MFSD6: variants seen among roughly 807,000 people sequenced by gnomAD.
MFSD6 encodes the protein major facilitator superfamily domain-containing protein 6.
Under a neutral mutation model 56.3 loss-of-function variants are expected in MFSD6, and 26 were observed. The observed-to-expected ratio is 0.46, with a 90% CI of 0.34 to 0.64. The LOEUF is 0.64. MFSD6 is among the 30% of genes least tolerant of loss of function. MFSD6 has a pLI of 0.01. For missense variants in MFSD6, 750 were observed against 986.2 expected, an observed-to-expected ratio of 0.76 and a Z score of 3.21; for synonymous variants, 331 against 366.9, an observed-to-expected ratio of 0.90 and a Z score of 1.12.
intron 2 of MFSD6, among the ~76,000 whole-genome samples, chr2:190,422,875 C>G (rs1184756551): frequency 6.6e-6 from 1 of 151,524 alleles, no homozygotes; most frequent in Non-Finnish European, 1.5e-5. Context: ...CATTTTTTCT[C>G]TCCTACTTTC....
At chr2:190,478,176 C>A (rs891056719) in intron 4 of MFSD6, among the ~76,000 whole-genome samples, 1 of 152,198 alleles carries the variant, frequency 6.6e-6, no homozygotes, top group Non-Finnish European at 1.5e-5. Flanking sequence ...GGCTACGATA[C>A]ATACTTCTGT....
At position 190,435,965 on chromosome 2, in the gene MFSD6, TTTAC is replaced by T; in HGVS notation, c.-53-9_-53-6del. The T allele has an allele frequency of 4.0e-6, 6 of 1,515,972 alleles. 1 individual carries two copies. The South Asian group carries it at 8.1e-5, about 21-fold the overall frequency. The allele number at this position is 1,515,972 out of a possible 1,614,324, so 93.9% of individuals were successfully genotyped here. On this transcript the variant is annotated splice_polypyrimidine_tract_variant and splice_region_variant and intron_variant, in intron 2 of 7. Coordinates refer to ENST00000392328, the MANE Select transcript of MFSD6 (RefSeq NM_017694.4). ...TTCATTACTAAGCCATCTTTTAAAT[TTTAC>T]TTTACAGATCAACAGTACAAATTCT...
Position 190,451,299 on chromosome 2 carries a change from A to G in MFSD6, c.1532+13738A>G, listed in dbSNP as rs1686767061. 6.6e-6 allele frequency among the ~76,000 whole-genome samples: 1 copy of G among 152,212 alleles called. No homozygotes were observed. The highest frequency in any genetic ancestry group is 1.5e-5 in the Non-Finnish European group (1 of 68,042). The stretch of plus-strand genomic sequence containing the variant: ...CGGGGCAATAATTATACCTAACTTC[A>G]TAGCATTGTCCTTAAGATTAAATGA... On this transcript the variant is annotated intron_variant, in intron 3 of 7. Transcript: ENST00000392328. This position sits in a 1 kb window ranked among gnomAD's most constrained non-coding sequence, Gnocchi z 5.0.
In MFSD6 at chr2:190,489,946, G is replaced by A. The variant is rs1215182455; in HGVS notation, c.1891+80G>A. Reference sequence around the variant, plus strand: ...AACAAATGCCCCGAGAAGCCTAGAAGTGGTACAGAGTATACAACAGGTCTG... The same window carrying A: ...AACAAATGCCCCGAGAAGCCTAGAAATGGTACAGAGTATACAACAGGTCTG... On this transcript the variant is annotated intron_variant, in intron 6 of 7. Coordinates refer to ENST00000392328, the MANE Select transcript of MFSD6 (RefSeq NM_017694.4). This position sits in a 1 kb window ranked among gnomAD's most constrained non-coding sequence, Gnocchi z 6.6. 2.5e-6 allele frequency: 3 copies of A among 1,213,728 alleles called. No individual in the cohort carries two copies. The highest frequency in any genetic ancestry group is 2.5e-5 in the East Asian group (1 of 39,944). The allele number at this position is 1,213,728 out of a possible 1,614,324, so 75.2% of individuals were successfully genotyped here.
chr2:190,476,870 A>C (rs1181667015), intron 4 of MFSD6, among the ~76,000 whole-genome samples: 1 of 152,156 alleles, frequency 6.6e-6, no homozygotes, highest in Admixed American at 6.5e-5. Flanking sequence ...AGTACTATGC[A>C]GCCATAAAAA....
At position 190,410,428 on chromosome 2, in the gene MFSD6, T is replaced by G. The variant is rs1282607038; in HGVS notation, c.-176+1925T>G. Among the ~76,000 whole-genome samples, 1 of 152,214 alleles carries G rather than the reference T, an allele frequency of 6.6e-6. No individual in the cohort carries two copies. Among genetic ancestry groups the G allele is most frequent in the Non-Finnish European group, 1.5e-5 (1 of 68,038 alleles). On this transcript the variant is annotated intron_variant, in intron 1 of 7. Transcript: ENST00000392328. The surrounding 1 kb of genome is among the most constrained non-coding windows in gnomAD (Gnocchi z 4.4). ...GGTGTCCCTCCCTAATCAGAACCTA[T>G]TAAGTCTCTCCACCTACGCAGATGT...
chr2:190,475,637 C>T (rs1688257633), intron 4 of MFSD6, among the ~76,000 whole-genome samples: 3 of 152,126 alleles, frequency 2.0e-5, no homozygotes, highest in South Asian at 4.2e-4. Flanking sequence ...CCATACTGCC[C>T]AAGGTAATTT....
At position 190,413,979 on chromosome 2, in the gene MFSD6, A is replaced by G. The variant is rs1690675670; in HGVS notation, c.-175-1313A>G. ...TAGGGACAAAGTTAAGGTAGAACATACTTGGCCTCAAGGTACTTGGCTCAA... is the reference window on the plus strand; with the variant it reads ...TAGGGACAAAGTTAAGGTAGAACATGCTTGGCCTCAAGGTACTTGGCTCAA... On this transcript the variant is annotated intron_variant, in intron 1 of 7. Transcript: ENST00000392328. The surrounding 1 kb of genome is among the most constrained non-coding windows in gnomAD (Gnocchi z 4.1). Among the ~76,000 whole-genome samples, 1 of 152,168 alleles carries G rather than the reference A, an allele frequency of 6.6e-6. No individual in the cohort carries two copies. The highest frequency in any genetic ancestry group is 1.5e-5 in the Non-Finnish European group (1 of 68,028).
rs1278358771 is a variant in MFSD6 at position 190,465,689 on chromosome 2, G to A, written c.1533-4069G>A. Among the ~76,000 whole-genome samples the A allele has an allele frequency of 6.6e-6, 1 of 152,106 alleles. No individual in the cohort carries two copies. The highest frequency in any genetic ancestry group is 2.4e-5 in the African/African-American group (1 of 41,416). On this transcript the variant is annotated intron_variant, in intron 3 of 7. Coordinates refer to ENST00000392328, the MANE Select transcript of MFSD6 (RefSeq NM_017694.4). This position sits in a 1 kb window ranked among gnomAD's most constrained non-coding sequence, Gnocchi z 4.6. ...TACCACAAAGTACCACGGTCTGGGT[G>A]GCTTAAAAAACAGAAGTTTATGGCC... is the stretch of plus-strand genomic sequence containing the variant.
At chr2:190,421,725 T>TA (rs35466789) in intron 2 of MFSD6, among the ~76,000 whole-genome samples, 44 of 151,006 alleles carry the variant, frequency 2.9e-4, no homozygotes, top group Middle Eastern at 3.4e-3. Context: ...CTGGCTAACT[T>TA]AAAAAAAAAA....
Position 190,431,489 on chromosome 2 carries a change from G to A in MFSD6, c.-53-4488G>A, listed in dbSNP as rs944239424. On this transcript the variant is annotated intron_variant, in intron 2 of 7. Transcript: ENST00000392328. This position sits in a 1 kb window ranked among gnomAD's most constrained non-coding sequence, Gnocchi z 4.4. ...AGGCCGAGGCTGGCGGATCACTCGC[G>A]ATTAGGAGCTGGAGACTAGCCCGGC... Among the ~76,000 whole-genome samples, 41 of 152,326 alleles carry A rather than the reference G, an allele frequency of 2.7e-4. No homozygotes were observed. The highest frequency in any genetic ancestry group is 5.4e-4 in the Non-Finnish European group (37 of 68,026).
rs1172318538 is a variant in MFSD6, at chr2:190,456,121, A to G, written c.1533-13637A>G. 1.3e-5 allele frequency among the ~76,000 whole-genome samples: 2 copies of G among 151,510 alleles called. No homozygotes were observed. Among genetic ancestry groups the G allele is most frequent in the African/African-American group, 4.9e-5 (2 of 41,234 alleles). ...ATGCCCAGCTAATTTTTATATTTTT[A>G]GTAGAGATGGGGTTTCACCATGTTG... On this transcript the variant is annotated intron_variant, in intron 3 of 7. Coordinates refer to ENST00000392328, the MANE Select transcript of MFSD6 (RefSeq NM_017694.4). The surrounding 1 kb of genome is among the most constrained non-coding windows in gnomAD (Gnocchi z 5.4).
In MFSD6 at chr2:190,437,886, C is replaced by T. The variant is rs1575840712; in HGVS notation, c.1532+325C>T. On this transcript the variant is annotated intron_variant, in intron 3 of 7. Transcript: ENST00000392328. This position sits in a 1 kb window ranked among gnomAD's most constrained non-coding sequence, Gnocchi z 5.9. ...GGTATAGGAACACCAGCTTAGTGAA[C>T]ATATTATTCCATGGAGGGTCCACCT... 6.6e-6 allele frequency among the ~76,000 whole-genome samples: 1 copy of T among 152,154 alleles called. No individual in the cohort carries two copies. The highest frequency in any genetic ancestry group is 1.5e-5 in the Non-Finnish European group (1 of 68,026).
intron 3 of MFSD6, among the ~76,000 whole-genome samples, chr2:190,449,122 G>C (rs1686683180): frequency 6.6e-6 from 1 of 152,136 alleles, no homozygotes; most frequent in South Asian, 2.1e-4. Flanking sequence ...TAACAACCAT[G>C]GCTTCAGGTC....
intron 3 of MFSD6, among the ~76,000 whole-genome samples, chr2:190,460,987 G>A (rs1442334081): frequency 1.3e-5 from 2 of 152,284 alleles, no homozygotes; most frequent in South Asian, 4.2e-4. Flanking sequence ...GTCTGACACA[G>A]AACACCATTT....
intron 3 of MFSD6, among the ~76,000 whole-genome samples, chr2:190,442,157 A>G (rs1686404714): frequency 6.6e-6 from 1 of 152,274 alleles, no homozygotes; most frequent in Non-Finnish European, 1.5e-5. Context: ...AATGTTTTAA[A>G]AGATGACTTA....
intron 3 of MFSD6, among the ~76,000 whole-genome samples, chr2:190,449,781 G>A (rs987117533): frequency 2.0e-5 from 3 of 151,664 alleles, no homozygotes; most frequent in Non-Finnish European, 4.4e-5. Flanking sequence ...ACCAAACACC[G>A]CATATTCTCA....
intron 3 of MFSD6, among the ~76,000 whole-genome samples, chr2:190,441,105 CCTT>C (rs1686357715): frequency 1.3e-5 from 2 of 152,086 alleles, no homozygotes; most frequent in African/African-American, 4.8e-5. Flanking sequence ...TTTTTTTTCT[CCTT>C]CTTCTCATCA....
rs147482836 is a variant in MFSD6, at chr2:190,436,058, C to T, written c.29C>T (p.Thr10Met). 5.3e-5 allele frequency: 85 copies of T among 1,613,302 alleles called. No individual in the cohort carries two copies. Among genetic ancestry groups the T allele is most frequent in the Middle Eastern group, 4.9e-4 (3 of 6,082 alleles). ...GCAGATGATAAAGTTGCTATCTTAA[C>T]GGATGATGAAGAGGAACAGAAGAGA... MADDKVAIL[T>M]DDEEEQKRKY... Residue 10 changes from threonine to methionine, a missense_variant, in exon 3 of 8, where the codon ACG becomes ATG. This residue lies in a region of MFSD6 where 76 missense variants were observed against 101.9 expected (regional missense o/e 0.75). Transcript: ENST00000392328. This position sits in a 1 kb window ranked among gnomAD's most constrained non-coding sequence, Gnocchi z 5.3.
Sources: allele counts gnomAD v4.1 joint callset (sites outside exome capture counted in the v4.1 genomes callset), GRCh38; gene constraint gnomAD v4.1.1; regional missense constraint gnomAD v4.1.1; non-coding constraint Gnocchi (gnomAD v3.1); transcripts MANE v1.5; gene names NCBI Gene and HGNC (gene_info 2026-07-23, HGNC 2026-07-21).